The following TSC2 variants were observed in gnomAD, a reference collection of about 807,000 sequenced individuals.
The protein encoded by TSC2 is tuberin.
Under a neutral mutation model 202.2 loss-of-function variants are expected in TSC2, and 29 were observed. The ratio of observed to expected loss-of-function variants is 0.14; its 90% CI spans 0.11 to 0.20. The LOEUF is 0.20. Among genes scored for constraint, TSC2 ranks in the 10% least tolerant of loss-of-function variants. The pLI, the probability that TSC2 is intolerant of heterozygous loss-of-function variation, is 1.00. For missense variants in TSC2, 2,429 were observed against 2,420.0 expected, an observed-to-expected ratio of 1.00 and a Z score of -0.08; for synonymous variants, 1,349 against 1,044.0, an observed-to-expected ratio of 1.29 and a Z score of -5.63.
In TSC2 at chr16:2,079,933, C is replaced by G. The variant is rs1012264045; in HGVS notation, c.3398-232C>G. On this transcript the variant is annotated intron_variant, in intron 29 of 41. Transcript: ENST00000219476. The surrounding 1 kb of genome is among the most constrained non-coding windows in gnomAD (Gnocchi z 4.6). ...AGCTCGGCTCAGTCCTGGAGCCCTT[C>G]TCTGCTCCAGCGAGCCGTGGTCTGA... 6.6e-6 allele frequency among the ~76,000 whole-genome samples: 1 copy of G among 152,206 alleles called. No individual in the cohort carries two copies. Among genetic ancestry groups the G allele is most frequent in the African/African-American group, 2.4e-5 (1 of 41,458 alleles).
At chr16:2,059,336 C>G (rs866595544) in intron 10 of TSC2, among the ~76,000 whole-genome samples, 11 of 145,396 alleles carry the variant, frequency 7.6e-5, no homozygotes, top group African/African-American at 2.6e-4. Flanking sequence ...TTTTCTCTCT[C>G]TCTTTTTTTT....
At position 2,088,277 on chromosome 16, in the gene TSC2, C is replaced by A. The variant is rs151298910; in HGVS notation, c.5211C>A (p.Pro1737=). 6.2e-6 allele frequency: 10 copies of A among 1,612,958 alleles called. No individual in the cohort carries two copies. The highest frequency in any genetic ancestry group is 3.3e-4 in the Middle Eastern group (2 of 6,084). The part of the protein sequence containing the change: ...HSRSNPTDIY[P]SKWIARLRHI... ...GCTCCAACCCCACCGATATCTACCC[C>A]TCCAAGTGGATTGCCCGGCTCCGCC... Residue 1737 remains proline (P), a synonymous_variant, in exon 41 of 42, where the codon CCC becomes CCA. Transcript: ENST00000219476.
chr16:2,065,085 G>A lies in TSC2; in HGVS notation c.1600-434G>A, dbSNP rs189389205. The stretch of plus-strand genomic sequence containing the variant: ...GCCAAGATTCTGCCACTGCACTCCA[G>A]CCTGGACGACAGAGCAAGACTCTGT... On this transcript the variant is annotated intron_variant, in intron 15 of 41. Coordinates refer to ENST00000219476, the MANE Select transcript of TSC2 (RefSeq NM_000548.5). 4.2e-5 allele frequency: 8 copies of A among 192,580 alleles called. No individual in the cohort carries two copies. In the East Asian group the frequency reaches 1.1e-3, roughly 25 times the overall value. The allele number at this position is 192,580 out of a possible 1,614,324, so 11.9% of individuals were successfully genotyped here.
chr16:2,055,507 C>T lies in TSC2; in HGVS notation c.587C>T (p.Ala196Val), dbSNP rs1596271211. Residue 196 changes from alanine (A) to valine (V), a missense_variant, in exon 6 of 42, where the codon GCA (alanine) becomes GTA (valine). Physicochemically the swap from Ala to Val is moderately conservative, Grantham distance 64. Transcript: ENST00000219476. ...AGCTGTTACCTCGACGAGTACATCGCAAGGATGGTTCAGTAAGAAAAGAAT... is the reference window on the plus strand; with the variant it reads ...AGCTGTTACCTCGACGAGTACATCGTAAGGATGGTTCAGTAAGAAAAGAAT... ...FNSCYLDEYIARMVQMICLLC... is the reference protein window; with the variant it reads ...FNSCYLDEYIVRMVQMICLLC... 6.2e-7 allele frequency: 1 copy of T among 1,613,764 alleles called. No individual in the cohort carries two copies. Among genetic ancestry groups the T allele is most frequent in the African/African-American group, 1.3e-5 (1 of 75,026 alleles).
chr16:2,054,901 G>T (rs189000388), intron 5 of TSC2: 1 of 329,126 alleles, frequency 3.0e-6, no homozygotes, highest in African/African-American at 2.1e-5. Context: ...GGAAGAGATC[G>T]GTCTGACTCT....
At chr16:2,084,132 TG>T in intron 33 of TSC2, 95 bp from the exon 34 acceptor site, 1 of 1,543,548 alleles carries the variant, frequency 6.5e-7, no homozygotes, top group Non-Finnish European at 8.7e-7. Flanking sequence ...GGCCCTGGGA[TG>T]GAGGACAGAT....
In TSC2 at chr16:2,085,471, GGTGCTGCTCTGA is replaced by G. The variant is rs2090659985; in HGVS notation, c.4662+156_4662+167del. The G allele has an allele frequency of 9.0e-6, 8 of 890,936 alleles. No homozygotes were observed. The South Asian group carries it at 1.1e-4, about 12-fold the overall frequency. The allele number at this position is 890,936 out of a possible 1,614,324, so 55.2% of individuals were successfully genotyped here. ...GAAGTGCTCATTGAGCTCTGTGCCA[GGTGCTGCTCTGA>G]GTGCTGGGGACCCCGGTGCGAGTGA... On this transcript the variant is annotated intron_variant, in intron 36 of 41. Transcript: ENST00000219476.
At position 2,072,567 on chromosome 16, in the gene TSC2, A is replaced by G; in HGVS notation, c.2220+204A>G. The stretch of plus-strand genomic sequence containing the variant: ...GCTCGCAGCTTTTGGGACTGACGTC[A>G]GAGGTCCCCAGCCAAGGGCATGTCA... On this transcript the variant is annotated intron_variant, in intron 20 of 41. Coordinates refer to ENST00000219476, the MANE Select transcript of TSC2 (RefSeq NM_000548.5). 3.5e-6 allele frequency: 3 copies of G among 850,646 alleles called. No individual in the cohort carries two copies. The East Asian group carries it at 8.0e-5, about 23-fold the overall frequency. The allele number at this position is 850,646 out of a possible 1,614,324, so 52.7% of individuals were successfully genotyped here.
chr16:2,086,084 CAG>C (rs1290460031), intron 36 of TSC2, 107 bp from the exon 37 acceptor site: 25 of 1,313,578 alleles, frequency 1.9e-5, no homozygotes, highest in Non-Finnish European at 2.7e-5. Context: ...TTGTCTGCCT[CAG>C]GGATCAGAGT....
chr16:2,056,570 A>C (rs2085856884), intron 7 of TSC2, 74 bp from the exon 8 acceptor site: 2 of 1,583,602 alleles, frequency 1.3e-6, no homozygotes, highest in Non-Finnish European at 1.7e-6. Flanking sequence ...GGAGGTGGGA[A>C]GGAAGCCTGG....
At chr16:2,070,051 C>T (rs956695278) in intron 16 of TSC2, among the ~76,000 whole-genome samples, 10 of 152,182 alleles carry the variant, frequency 6.6e-5, no homozygotes, top group South Asian at 2.1e-4. Flanking sequence ...CTGCTGGCCT[C>T]GGCCCCAGGG....
In TSC2 at chr16:2,082,484, A is replaced by C. The variant is rs1567514069; in HGVS notation, c.3863A>C (p.His1288Pro). The change falls in exon 32 of 42, where the codon CAC becomes CCC. Residue 1288 changes from histidine (H) to proline (P), a missense_variant. Physicochemically the swap from His to Pro is moderately conservative, Grantham distance 77 (BLOSUM62 -2). Coordinates refer to ENST00000219476, the MANE Select transcript of TSC2 (RefSeq NM_000548.5). ...CAGTCCAGCTGCCAAGGACAGCTGC[A>C]CAGGAGCGTTTCCTGGGCAGGTATC... ...LYQSSCQGQL[H>P]RSVSWADSAV... The C allele has an allele frequency of 1.2e-6, 2 of 1,612,210 alleles. No individual in the cohort carries two copies. Among genetic ancestry groups the C allele is most frequent in the Non-Finnish European group, 1.7e-6 (2 of 1,179,988 alleles).
At position 2,069,819 on chromosome 16, in the gene TSC2, A is replaced by G. The variant is rs545494831; in HGVS notation, c.1717-637A>G. On this transcript the variant is annotated intron_variant, in intron 16 of 41. Coordinates refer to ENST00000219476, the MANE Select transcript of TSC2 (RefSeq NM_000548.5). ...TAGTAGAGATGGGCTTTCTCCATGTAGGTCAGGCTGGTCTTGAACTCCTAA... is the reference window on the plus strand; with the variant it reads ...TAGTAGAGATGGGCTTTCTCCATGTGGGTCAGGCTGGTCTTGAACTCCTAA... Among the ~76,000 whole-genome samples, 17 of 151,384 alleles carry G rather than the reference A, an allele frequency of 1.1e-4. 1 individual carries two copies. In the South Asian group the frequency reaches 3.6e-3, roughly 32 times the overall value.
At chr16:2,073,012 T>A (rs188003296) in intron 21 of TSC2, 29 bp downstream of exon 21, 1 of 1,613,014 alleles carries the variant, frequency 6.2e-7, no homozygotes, top group East Asian at 2.2e-5. Flanking sequence ...ACAGGCGAGC[T>A]TGATGGGGCC....
At chr16:2,070,154 G>T (rs373880219) in intron 16 of TSC2, among the ~76,000 whole-genome samples, 1 of 152,060 alleles carries the variant, frequency 6.6e-6, no homozygotes, top group South Asian at 2.1e-4. Flanking sequence ...ACCTGGGATC[G>T]CCCTGCAGCA....
At chr16:2,081,890 C>T in intron 31 of TSC2, 92 bp downstream of exon 31, 1 of 1,517,636 alleles carries the variant, frequency 6.6e-7, no homozygotes, top group Non-Finnish European at 8.9e-7. Flanking sequence ...GCTGAGGGCG[C>T]CCACACGGCT....
intron 31 of TSC2, chr16:2,082,153 C>T: frequency 1.7e-6 from 1 of 594,052 alleles, no homozygotes; most frequent in Non-Finnish European, 3.0e-6. Context: ...ACTCTGGGCC[C>T]CCACCCCACT....
chr16:2,070,611 G>C, intron 17 of TSC2, 33 bp downstream of exon 17: 1 of 1,612,554 alleles, frequency 6.2e-7, no homozygotes, highest in Non-Finnish European at 8.5e-7. Flanking sequence ...GCCAGTTCCT[G>C]GGGGCCCAGC....
intron 25 of TSC2, 198 bp downstream of exon 25, chr16:2,076,783 C>G (rs1028277032): frequency 1.6e-6 from 1 of 607,964 alleles, no homozygotes; most frequent in East Asian, 2.8e-5. Flanking sequence ...GGCCTGGGTC[C>G]GGGCTGCGTG....
Sources: gnomAD v4.1 joint callset for allele counts (sites outside exome capture counted in the v4.1 genomes callset) on GRCh38, gnomAD v4.1.1 for gene constraint, Gnocchi (gnomAD v3.1) non-coding constraint, MANE v1.5 for transcripts, NCBI Gene and HGNC (gene_info 2026-07-23, HGNC 2026-07-21) for gene names.